MTA3: variants seen among roughly 807,000 people sequenced by gnomAD.
MTA3 encodes the protein metastasis-associated protein MTA3.
Under a neutral mutation model 83.5 loss-of-function variants are expected in MTA3, and 34 were observed. That is an observed-to-expected ratio of 0.41 (90% CI 0.31 to 0.54). The LOEUF (loss-of-function observed/expected upper bound fraction) is 0.54, where lower values mean the gene tolerates loss of function less well. Ranked by LOEUF, MTA3 falls within the 20% of genes least tolerant of loss-of-function variation. The pLI, the probability that MTA3 is intolerant of heterozygous loss-of-function variation, is 0.33. For missense variants in MTA3, 761 were observed against 726.4 expected, an observed-to-expected ratio of 1.05 and a Z score of -0.55; for synonymous variants, 303 against 252.7, an observed-to-expected ratio of 1.20 and a Z score of -1.89.
Position 42,656,300 on chromosome 2 carries a change from A to G in MTA3, c.600A>G (p.Ala200=), listed in dbSNP as rs747765727. ...AGATTGACCAGTTTTTAGTTGTAGC[A>G]CGGTGAGTATGAGTATGGCATTATT... is the stretch of plus-strand genomic sequence containing the variant. ...DRQIDQFLVV[A]RAVGTFARAL... The change falls in exon 7 of 17, where the codon GCA becomes GCG. Residue 200 remains alanine (A), a splice_region_variant and synonymous_variant. Transcript: ENST00000405094. 1.2e-6 allele frequency: 2 copies of G among 1,608,450 alleles called. No homozygotes were observed. Among genetic ancestry groups the G allele is most frequent in the Non-Finnish European group, 1.7e-6 (2 of 1,175,010 alleles).
At chr2:42,543,029 G>A (rs1572953757) in intron 2 of MTA3, among the ~76,000 whole-genome samples, 1 of 152,208 alleles carries the variant, frequency 6.6e-6, no homozygotes, top group African/African-American at 2.4e-5. Context: ...TGTGGAGAGT[G>A]TTGATTGGTC....
Position 42,722,965 on chromosome 2 carries a change from A to G in MTA3, c.1689A>G (p.Leu563=). ...SLQTPTTKRM[L]TTPNHTSLSI... ...AAACCCCAACTACCAAGCGGATGCTAACAACTCCAAATCACACATCTCTGA... is the reference window on the plus strand; with the variant it reads ...AAACCCCAACTACCAAGCGGATGCTGACAACTCCAAATCACACATCTCTGA... Residue 563 remains leucine, a synonymous_variant, in exon 16 of 17, where the codon CTA becomes CTG. Coordinates refer to ENST00000405094, the MANE Select transcript of MTA3 (RefSeq NM_001330442.2). 6.4e-7 allele frequency: 1 copy of G among 1,551,228 alleles called. No individual in the cohort carries two copies.
At chr2:42,707,850 T>A in intron 12 of MTA3, 53 bp from the exon 13 acceptor site, 1 of 1,424,620 alleles carries the variant, frequency 7.0e-7, no homozygotes, top group Non-Finnish European at 9.4e-7. Context: ...TTTGTGTTGA[T>A]GTTACAAATT....
chr2:42,542,478 C>T (rs1037578513), intron 2 of MTA3, among the ~76,000 whole-genome samples: 3 of 152,202 alleles, frequency 2.0e-5, no homozygotes, highest in East Asian at 3.9e-4. Flanking sequence ...CAATATTAAC[C>T]GTCACACGTA....
chr2:42,559,501 CA>C (rs543291273), intron 2 of MTA3, among the ~76,000 whole-genome samples: 7,861 of 106,466 alleles, frequency 0.074, 226 homozygotes, highest in African/African-American at 0.14. Flanking sequence ...GACCTTGTCT[CA>C]AAAAAAAAAA....
intron 2 of MTA3, among the ~76,000 whole-genome samples, chr2:42,558,116 G>A (rs904716165): frequency 1.6e-4 from 24 of 151,994 alleles, no homozygotes; most frequent in African/African-American, 5.6e-4. Flanking sequence ...TTTTGGGACC[G>A]GTACTTCCCT....
rs1667540465 is a variant in MTA3, at chr2:42,723,022, C to T, written c.1746C>T (p.His582=). ...TGGGGAAAAGAAACTACAGTCATCA[C>T]AATGGTCTGGATGGTATGTAAGCCC... is the stretch of plus-strand genomic sequence containing the variant. The part of the protein sequence containing the change: ...SILGKRNYSH[H]NGLDELTCCV... The change falls in exon 16 of 17, where the codon CAC becomes CAT. Residue 582 remains histidine, a synonymous_variant. Transcript: ENST00000405094. 1 of 1,550,684 alleles carries T rather than the reference C, an allele frequency of 6.4e-7. No individual in the cohort carries two copies. The highest frequency in any genetic ancestry group is 1.4e-5 in the African/African-American group (1 of 73,054).
At chr2:42,556,663 A>G (rs1250307940) in intron 2 of MTA3, among the ~76,000 whole-genome samples, 1 of 152,172 alleles carries the variant, frequency 6.6e-6, no homozygotes, top group African/African-American at 2.4e-5. Flanking sequence ...GAGCCCTGCA[A>G]CCTTCAGCCA....
chr2:42,707,601 C>T (rs1245899847), intron 12 of MTA3, among the ~76,000 whole-genome samples: 3 of 152,090 alleles, frequency 2.0e-5, no homozygotes, highest in African/African-American at 7.2e-5. Context: ...GAAACATACA[C>T]AATAGAGTAT....
At chr2:42,612,006 C>T (rs1160978107) in intron 4 of MTA3, among the ~76,000 whole-genome samples, 1 of 151,968 alleles carries the variant, frequency 6.6e-6, no homozygotes. Flanking sequence ...GTTAGATTTG[C>T]TAGGGTAAGT....
At chr2:42,501,995 A>T (rs6544552) in intron 2 of MTA3, among the ~76,000 whole-genome samples, 93,457 of 151,952 alleles carry the variant, frequency 0.62, 29,232 homozygotes, top group Middle Eastern at 0.75. Context: ...AATTAAAATT[A>T]AAATTTAAAT....
chr2:42,547,221 C>G (rs1189585613), intron 2 of MTA3, among the ~76,000 whole-genome samples: 2 of 152,222 alleles, frequency 1.3e-5, no homozygotes, highest in Non-Finnish European at 2.9e-5. Context: ...ACAGCAGATT[C>G]AGAGACTCCA....
At position 42,656,212 on chromosome 2, in the gene MTA3, A is replaced by G. The variant is rs1689159306; in HGVS notation, c.512A>G (p.Glu171Gly). 2 of 1,613,300 alleles carry G rather than the reference A, an allele frequency of 1.2e-6. No individual in the cohort carries two copies. The highest frequency in any genetic ancestry group is 2.7e-5 in the African/African-American group (2 of 75,036). Residue 171 changes from glutamate (E) to glycine (G), a missense_variant, in exon 7 of 17, where the codon GAG (glutamate) becomes GGG (glycine). Coordinates refer to ENST00000405094, the MANE Select transcript of MTA3 (RefSeq NM_001330442.2). Reference protein sequence around the residue: ...PEMLLEGESDEREQSKLEVKV... With the variant: ...PEMLLEGESDGREQSKLEVKV... ...TATTTTTGGACAGGAGAATCAGATG[A>G]GAGGGAACAATCAAAATTGGAAGTT...
chr2:42,735,076 T>C (rs962358724), intron 16 of MTA3, among the ~76,000 whole-genome samples: 1 of 152,204 alleles, frequency 6.6e-6, no homozygotes, highest in Non-Finnish European at 1.5e-5. Context: ...CTTCAGATCA[T>C]TTCTTATTGC....
chr2:42,507,928 G>A (rs966515689), intron 2 of MTA3, among the ~76,000 whole-genome samples: 27 of 151,130 alleles, frequency 1.8e-4, no homozygotes, highest in Admixed American at 1.3e-4. Flanking sequence ...CCTGAGCAAC[G>A]GCGTGAGTCT....
At position 42,723,133 on chromosome 2, in the gene MTA3, T is replaced by G. The variant is rs940624512; in HGVS notation, c.1759+98T>G. On this transcript the variant is annotated intron_variant, in intron 16 of 16. Coordinates refer to ENST00000405094, the MANE Select transcript of MTA3 (RefSeq NM_001330442.2). ...CCAAAAATATATTATAAGCATGTTC[T>G]TGTATTCCATGATTGAAGTATGTGG... 427 of 1,329,754 alleles carry G rather than the reference T, an allele frequency of 3.2e-4. 1 individual carries two copies. The highest frequency in any genetic ancestry group is 9.0e-4 in the Admixed American group (38 of 42,244). The allele number at this position is 1,329,754 out of a possible 1,614,324, so 82.4% of individuals were successfully genotyped here.
chr2:42,717,423 T>C (rs1421769804), intron 14 of MTA3, among the ~76,000 whole-genome samples: 1 of 152,196 alleles, frequency 6.6e-6, no homozygotes, highest in Non-Finnish European at 1.5e-5. Context: ...TCTGTTAATA[T>C]TTATGACAGT....
chr2:42,633,767 G>A (rs983273440), intron 4 of MTA3, among the ~76,000 whole-genome samples: 3 of 151,228 alleles, frequency 2.0e-5, no homozygotes, highest in Non-Finnish European at 4.4e-5. Flanking sequence ...GGTGGCGGGC[G>A]CCTGTAGTCC....
intron 16 of MTA3, among the ~76,000 whole-genome samples, chr2:42,742,417 G>A (rs986208719): frequency 6.6e-6 from 1 of 152,044 alleles, no homozygotes; most frequent in African/African-American, 2.4e-5. Context: ...AGGTTTACAG[G>A]CGTGAGTCAC....
Sources: allele counts gnomAD v4.1 joint callset (sites outside exome capture counted in the v4.1 genomes callset), GRCh38; gene constraint gnomAD v4.1.1; transcripts MANE v1.5; gene names NCBI Gene and HGNC (gene_info 2026-07-23, HGNC 2026-07-21).